INPP4B: variants seen among roughly 807,000 people sequenced by gnomAD.
INPP4B encodes the protein inositol polyphosphate 4-phosphatase type II.
A neutral mutation model predicts 122.5 loss-of-function variants in INPP4B; 55 were observed. The ratio of observed to expected loss-of-function variants is 0.45; its 90% CI spans 0.36 to 0.56. The LOEUF is 0.56. Among genes scored for constraint, INPP4B ranks in the 20% least tolerant of loss-of-function variants. INPP4B has a pLI of 0.00. For missense variants in INPP4B, 1,000 were observed against 1,097.7 expected, an observed-to-expected ratio of 0.91 and a Z score of 1.26; for synonymous variants, 403 against 388.7, an observed-to-expected ratio of 1.04 and a Z score of -0.43.
At chr4:142,496,622 C>T (rs972551159) in intron 2 of INPP4B, among the ~76,000 whole-genome samples, 1 of 151,970 alleles carries the variant, frequency 6.6e-6, no homozygotes, top group Non-Finnish European at 1.5e-5. Flanking sequence ...AGTATTGTTT[C>T]CTATTGCTTT....
intron 7 of INPP4B, among the ~76,000 whole-genome samples, chr4:142,377,232 T>C (rs1393889110): frequency 6.6e-6 from 1 of 151,990 alleles, no homozygotes; most frequent in African/African-American, 2.4e-5. Flanking sequence ...TTTCCTGAAA[T>C]TCGTAAATTT....
chr4:142,270,608 G>C (rs1745284861), intron 10 of INPP4B, 55 bp downstream of exon 10: 1 of 1,222,726 alleles, frequency 8.2e-7, no homozygotes, highest in Non-Finnish European at 1.2e-6. Flanking sequence ...ACAGACATCT[G>C]GCAAAGCTGA....
intron 1 of INPP4B, among the ~76,000 whole-genome samples, chr4:142,804,973 G>A (rs1238403396): frequency 2.6e-5 from 4 of 151,980 alleles, no homozygotes; most frequent in African/African-American, 7.2e-5. Flanking sequence ...GCCTAAATTC[G>A]AAGAGGGCAG....
At chr4:142,129,165 A>G (rs1251560474) in intron 18 of INPP4B, among the ~76,000 whole-genome samples, 2 of 152,172 alleles carry the variant, frequency 1.3e-5, no homozygotes, top group African/African-American at 2.4e-5. Context: ...AGCAATTAGA[A>G]TGGCCATTAA....
intron 2 of INPP4B, among the ~76,000 whole-genome samples, chr4:142,620,337 G>A (rs764513228): frequency 6.6e-6 from 1 of 151,964 alleles, no homozygotes; most frequent in Non-Finnish European, 1.5e-5. Flanking sequence ...AAAAGAGCGA[G>A]ATTATGTCTT....
Position 142,803,330 on chromosome 4 carries a change from A to G in INPP4B, c.-254+42879T>C, listed in dbSNP as rs954465089. Among the ~76,000 whole-genome samples, 8 of 152,186 alleles carry G rather than the reference A, an allele frequency of 5.3e-5. No homozygotes were observed. In the South Asian group the frequency reaches 1.7e-3, roughly 32 times the overall value. On this transcript the variant is annotated intron_variant, in intron 1 of 25. Coordinates refer to ENST00000262992, the MANE Select transcript of INPP4B (RefSeq NM_001101669.3). ...TGTAATTTTAAGAATATATTCATTT[A>G]ATAATCAGGCAGTAGATACTCAGAA...
intron 24 of INPP4B, among the ~76,000 whole-genome samples, chr4:142,082,948 A>C (rs1774792064): frequency 6.6e-6 from 1 of 152,104 alleles, no homozygotes; most frequent in African/African-American, 2.4e-5. Context: ...GAAACATAAC[A>C]AAGCCTCCTC....
intron 5 of INPP4B, among the ~76,000 whole-genome samples, chr4:142,407,993 A>G (rs966719714): frequency 5.9e-5 from 9 of 152,178 alleles, no homozygotes; most frequent in Admixed American, 5.2e-4. Context: ...TTATTGACTC[A>G]GTCATACTCA....
chr4:142,736,348 G>A (rs1766891452), intron 1 of INPP4B, among the ~76,000 whole-genome samples: 1 of 151,996 alleles, frequency 6.6e-6, no homozygotes, highest in Non-Finnish European at 1.5e-5. Context: ...AAGTGTTCTA[G>A]TCTGTTATAA....
chr4:142,140,618 G>C (rs1807271672), intron 18 of INPP4B, among the ~76,000 whole-genome samples: 1 of 152,158 alleles, frequency 6.6e-6, no homozygotes, highest in Admixed American at 6.6e-5. Context: ...AAAGAAACAG[G>C]TATTTATTAG....
intron 8 of INPP4B, among the ~76,000 whole-genome samples, chr4:142,311,046 T>C (rs1177547192): frequency 6.6e-6 from 1 of 151,984 alleles, no homozygotes; most frequent in African/African-American, 2.4e-5. Context: ...AAATCTAAAC[T>C]CCTTTAAAAA....
intron 2 of INPP4B, among the ~76,000 whole-genome samples, 199 bp from the exon 3 acceptor site, chr4:142,462,925 G>A (rs1332848060): frequency 6.6e-6 from 1 of 152,174 alleles, no homozygotes; most frequent in African/African-American, 2.4e-5. Context: ...TCAGCCCATA[G>A]AGCCCCTCTA....
chr4:142,770,769 G>T (rs1772921992), intron 1 of INPP4B, among the ~76,000 whole-genome samples: 1 of 152,068 alleles, frequency 6.6e-6, no homozygotes, highest in Non-Finnish European at 1.5e-5. Context: ...AGAGGCAGTG[G>T]TGATACAAGT....
At chr4:142,381,294 T>C (rs1210794588) in intron 7 of INPP4B, among the ~76,000 whole-genome samples, 1 of 152,146 alleles carries the variant, frequency 6.6e-6, no homozygotes, top group African/African-American at 2.4e-5. Context: ...TAAGTGAATA[T>C]TGATAATCAC....
At chr4:142,818,273 G>C (rs1780362636) in intron 1 of INPP4B, among the ~76,000 whole-genome samples, 1 of 152,118 alleles carries the variant, frequency 6.6e-6, no homozygotes, top group Non-Finnish European at 1.5e-5. Context: ...AAACTTCAAA[G>C]ACCATCCATC....
chr4:142,440,480 T>A (rs905453048), intron 3 of INPP4B, among the ~76,000 whole-genome samples: 4 of 152,228 alleles, frequency 2.6e-5, no homozygotes, highest in South Asian at 2.1e-4. Flanking sequence ...AATAGTTCAG[T>A]TTGGCTAAAT....
intron 2 of INPP4B, among the ~76,000 whole-genome samples, chr4:142,553,619 G>C (rs933418949): frequency 6.6e-6 from 1 of 152,166 alleles, no homozygotes; most frequent in African/African-American, 2.4e-5. Context: ...GTCCATGCTG[G>C]CTTCTAGGGT....
chr4:142,784,006 G>T (rs1369915159), intron 1 of INPP4B, among the ~76,000 whole-genome samples: 2 of 152,136 alleles, frequency 1.3e-5, no homozygotes, highest in African/African-American at 2.4e-5. Flanking sequence ...CCTTCAGCAT[G>T]TAAAGAGCTT....
intron 23 of INPP4B, among the ~76,000 whole-genome samples, chr4:142,095,833 T>C (rs1483880701): frequency 1.3e-5 from 2 of 152,206 alleles, no homozygotes; most frequent in Admixed American, 6.5e-5. Context: ...TTCTGTTGTT[T>C]GTACACAGCA....
Sources: gnomAD v4.1 joint callset for allele counts (sites outside exome capture counted in the v4.1 genomes callset) on GRCh38, gnomAD v4.1.1 for gene constraint, MANE v1.5 for transcripts, NCBI Gene and HGNC (gene_info 2026-07-23, HGNC 2026-07-21) for gene names.